DOCK8: variants seen among roughly 807,000 people sequenced by gnomAD.
DOCK8 encodes the protein dedicator of cytokinesis protein 8.
Under a neutral mutation model 245.6 loss-of-function variants are expected in DOCK8, and 141 were observed. The ratio of observed to expected loss-of-function variants is 0.57; its 90% confidence interval spans 0.50 to 0.66. The LOEUF (loss-of-function observed/expected upper bound fraction) is 0.66, where lower values mean the gene tolerates loss of function less well. Ranked by LOEUF, DOCK8 falls within the 30% of genes least tolerant of loss-of-function variation. DOCK8 has a pLI of 0.00. For missense variants in DOCK8, 2,965 were observed against 2,603.4 expected, an observed-to-expected ratio of 1.14 and a Z score of -3.02; for synonymous variants, 1,168 against 970.2, an observed-to-expected ratio of 1.20 and a Z score of -3.79.
intron 43 of DOCK8, among the ~76,000 whole-genome samples, chr9:446,015 C>A (rs1487309523): frequency 1.3e-5 from 2 of 152,360 alleles, no homozygotes; most frequent in African/African-American, 4.8e-5. Context: ...TTCCTCATAA[C>A]TGTGAGGTAG....
At chr9:365,467 C>T (rs776730823) in intron 14 of DOCK8, 11 of 406,294 alleles carry the variant, frequency 2.7e-5, no homozygotes, top group Non-Finnish European at 5.2e-5. Flanking sequence ...AGAAGTAAGT[C>T]ACTTCTCAAA....
chr9:215,298 C>A (rs747332312), intron 1 of DOCK8: 1 of 1,606,954 alleles, frequency 6.2e-7, no homozygotes, highest in Non-Finnish European at 8.5e-7. Flanking sequence ...CCCGAACAAC[C>A]TCGCCCGCTC....
At chr9:460,446 C>G (rs1377921829) in intron 46 of DOCK8, 2 of 152,182 alleles carry the variant, frequency 1.3e-5, no homozygotes, top group Non-Finnish European at 2.9e-5. Context: ...CATCCTGAAA[C>G]TGATCTTATT....
chr9:215,387 A>T (rs144788552), intron 1 of DOCK8: 32 of 1,582,776 alleles, frequency 2.0e-5, no homozygotes, highest in Non-Finnish European at 2.7e-5. Flanking sequence ...CGCGCCACGG[A>T]GTGTCTCATA....
chr9:410,176 G>A (rs913756320), intron 28 of DOCK8, among the ~76,000 whole-genome samples: 2 of 152,070 alleles, frequency 1.3e-5, no homozygotes, highest in African/African-American at 4.8e-5. Context: ...TAAGTGTAAA[G>A]TGCGATTAAT....
At chr9:303,980 A>C (rs924826006) in intron 4 of DOCK8, among the ~76,000 whole-genome samples, 1 of 152,162 alleles carries the variant, frequency 6.6e-6, no homozygotes, top group Non-Finnish European at 1.5e-5. Flanking sequence ...CTTTCTTATG[A>C]TGGTCTGTCT....
At chr9:288,060 T>G (rs1431055266) in intron 3 of DOCK8, among the ~76,000 whole-genome samples, 1 of 141,394 alleles carries the variant, frequency 7.1e-6, no homozygotes, top group Non-Finnish European at 1.6e-5. Context: ...AGGAGGAGGT[T>G]TTTTTTTTTT....
chr9:316,650 C>G (rs1465678655), intron 6 of DOCK8, among the ~76,000 whole-genome samples: 1 of 152,180 alleles, frequency 6.6e-6, no homozygotes, highest in Non-Finnish European at 1.5e-5. Flanking sequence ...CACATACTTA[C>G]TAGTAAAGCC....
At position 338,713 on chromosome 9, in the gene DOCK8, C is replaced by G. The variant is rs73639057; in HGVS notation, c.1423-293C>G. ...ACTGGCATCAGAGGGTGAGAGTTAT[C>G]GGGGGGAAGCTTTTGGCCTGGTTTT... On this transcript the variant is annotated intron_variant, in intron 12 of 47. Coordinates refer to ENST00000432829, the MANE Select transcript of DOCK8 (RefSeq NM_203447.4). Among the ~76,000 whole-genome samples, 11,253 of 151,880 alleles carry G rather than the reference C, an allele frequency of 0.074. 1,362 individuals carry two copies. The highest frequency in any genetic ancestry group is 0.26 in the African/African-American group (10,588 of 41,290).
At chr9:329,053 G>A (rs560634666) in intron 9 of DOCK8, among the ~76,000 whole-genome samples, 6 of 141,720 alleles carry the variant, frequency 4.2e-5, no homozygotes, top group Admixed American at 3.1e-4. Flanking sequence ...GGGTTCAAAC[G>A]ATTCTCCTGC....
chr9:232,695 T>C (rs895780407), intron 1 of DOCK8, among the ~76,000 whole-genome samples: 96 of 152,352 alleles, frequency 6.3e-4, no homozygotes, highest in African/African-American at 2.1e-3. Context: ...GAGGTGTTTA[T>C]AGTATTCTCT....
At chr9:429,154 A>G (rs147096840) in intron 35 of DOCK8, among the ~76,000 whole-genome samples, 3,111 of 152,124 alleles carry the variant, frequency 0.02, 115 homozygotes, top group African/African-American at 0.072. Context: ...ATTAGTAGAG[A>G]CAGGGTTTCA....
At chr9:256,871 C>T (rs184933985) in intron 1 of DOCK8, among the ~76,000 whole-genome samples, 2 of 151,980 alleles carry the variant, frequency 1.3e-5, no homozygotes, top group East Asian at 1.9e-4. Flanking sequence ...AGTGCACACT[C>T]GATGAATACT....
At chr9:447,546 C>T (rs2057303054) in intron 44 of DOCK8, among the ~76,000 whole-genome samples, 1 of 152,108 alleles carries the variant, frequency 6.6e-6, no homozygotes, top group East Asian at 1.9e-4. Context: ...TTGTGCACAC[C>T]TAATATGACA....
At chr9:325,781 T>C (rs1193039820) in intron 8 of DOCK8, 44 bp downstream of exon 8, 3 of 1,503,272 alleles carry the variant, frequency 2.0e-6, no homozygotes, top group Admixed American at 3.4e-5. Context: ...ACATATATTG[T>C]TCATGATTCT....
intron 22 of DOCK8, among the ~76,000 whole-genome samples, chr9:386,088 T>C (rs141227595): frequency 2.0e-5 from 3 of 152,332 alleles, no homozygotes; most frequent in Non-Finnish European, 2.9e-5. Context: ...GATTCTTAAA[T>C]AGTTTTTAAC....
chr9:410,278 C>G (rs1406230236), intron 28 of DOCK8, among the ~76,000 whole-genome samples: 1 of 152,156 alleles, frequency 6.6e-6, no homozygotes. Flanking sequence ...CCTCAAGTAA[C>G]CACTATTCTG....
chr9:256,460 A>T (rs1218440098), intron 1 of DOCK8, among the ~76,000 whole-genome samples: 2 of 152,220 alleles, frequency 1.3e-5, no homozygotes, highest in African/African-American at 4.8e-5. Flanking sequence ...TACTTATCCC[A>T]TGAGGGAGCT....
At chr9:277,909 C>G (rs377236508) in intron 2 of DOCK8, among the ~76,000 whole-genome samples, 3 of 152,160 alleles carry the variant, frequency 2.0e-5, no homozygotes, top group Non-Finnish European at 4.4e-5. Flanking sequence ...AATAAAGCAG[C>G]CTTTTTTATT....
Sources: allele counts gnomAD v4.1 joint callset (sites outside exome capture counted in the v4.1 genomes callset), GRCh38; gene constraint gnomAD v4.1.1; transcripts MANE v1.5; gene names NCBI Gene and HGNC (gene_info 2026-07-23, HGNC 2026-07-21).